Variants in STAG3 observed in about 807,000 individuals in gnomAD.
The protein encoded by STAG3 is STAG3 cohesin complex component.
In STAG3, 101 loss-of-function variants were observed where a neutral mutation model predicts 160.7. The ratio of observed to expected loss-of-function variants is 0.63; its 90% CI spans 0.54 to 0.74. The LOEUF is 0.74. STAG3 is among the 30% of genes least tolerant of loss of function. The pLI is 0.00. For missense variants in STAG3, 1,188 were observed against 1,517.4 expected, an observed-to-expected ratio of 0.78 and a Z score of 3.61; for synonymous variants, 519 against 585.0, an observed-to-expected ratio of 0.89 and a Z score of 1.63.
chr7:100,210,289 G>T (rs551026016), intron 29 of STAG3, among the ~76,000 whole-genome samples: 14 of 152,146 alleles, frequency 9.2e-5, no homozygotes, highest in Non-Finnish European at 1.9e-4. Flanking sequence ...AGTGGAGAAG[G>T]GGGGTAATGG....
In STAG3 at chr7:100,189,605, T is replaced by C. The variant is rs757513105; in HGVS notation, c.867+9T>C. 1.9e-6 allele frequency: 3 copies of C among 1,604,646 alleles called. No homozygotes were observed. The highest frequency in any genetic ancestry group is 2.7e-5 in the African/African-American group (2 of 74,222). ...TGGAGAAACGCAAAGAGGTGAGGAG[T>C]GTTCCCTGCTTCTTCCTTCCCTTTT... On this transcript the variant is annotated intron_variant, in intron 8 of 33. Coordinates refer to ENST00000615138, the MANE Select transcript of STAG3 (RefSeq NM_001282717.2).
rs779342202 is a variant in STAG3 at position 100,197,848 on chromosome 7, G to A, written c.1136G>A (p.Arg379His). 1.4e-5 allele frequency: 22 copies of A among 1,613,848 alleles called. No individual in the cohort carries two copies. The highest frequency in any genetic ancestry group is 1.9e-5 in the Non-Finnish European group (22 of 1,179,972). ...TACGGTAACCGGGACCTGACCACAC[G>A]CCTGGAGCTCTTCACCAGCCGCTTC... ...GLYGNRDLTT[R>H]LELFTSRFKD... The change falls in exon 11 of 34, where the codon CGC (arginine) becomes CAC (histidine). Residue 379 changes from arginine to histidine, a missense_variant. By Grantham distance (29) the Arg-to-His change is conservative. Around this residue, in one of 4 missense-constraint regions of STAG3, gnomAD observed 240 missense variants for 358.1 expected, o/e 0.67. Transcript: ENST00000615138.
At chr7:100,194,981 G>A (rs1800585457) in intron 8 of STAG3, among the ~76,000 whole-genome samples, 3 of 152,078 alleles carry the variant, frequency 2.0e-5, no homozygotes, top group Non-Finnish European at 4.4e-5. Context: ...CCTTTAGTTT[G>A]TTTAAAAAAA....
Position 100,202,579 on chromosome 7 carries a change from C to T in STAG3, c.2689C>T (p.His897Tyr). 6.2e-7 allele frequency: 1 copy of T among 1,613,656 alleles called. No individual in the cohort carries two copies. Among genetic ancestry groups the T allele is most frequent in the African/African-American group, 1.3e-5 (1 of 74,984 alleles). ...EMDAASDVFK[H>Y]YNKFYNDYGD... is the part of the protein sequence containing the mutation. ...GGATGCAGCCTCAGATGTTTTCAAA[C>T]ACTACAACAAGGTACACCAAGGCCC... The change falls in exon 25 of 34, where the codon CAC becomes TAC. Residue 897 changes from histidine (H) to tyrosine (Y), a missense_variant. By Grantham distance (83) the His-to-Tyr change is moderately conservative. Coordinates refer to ENST00000615138, the MANE Select transcript of STAG3 (RefSeq NM_001282717.2).
In STAG3 at chr7:100,202,513, G is replaced by T; in HGVS notation, c.2623G>T (p.Ala875Ser). ...GCTACACCAGCGGCGCCGCCTCCTA[G>T]CCGGGTTCTGCAAGCTGTTGCTTTA... ...ERLHQRRRLL[A>S]GFCKLLLYGV... The change falls in exon 25 of 34, where the codon GCC becomes TCC. Residue 875 changes from alanine to serine, a missense_variant. Coordinates refer to ENST00000615138, the MANE Select transcript of STAG3 (RefSeq NM_001282717.2). 3 of 1,614,176 alleles carry T rather than the reference G, an allele frequency of 1.9e-6. No homozygotes were observed. Among genetic ancestry groups the T allele is most frequent in the Non-Finnish European group, 2.5e-6 (3 of 1,180,030 alleles).
At position 100,202,176 on chromosome 7, in the gene STAG3, T is replaced by C; in HGVS notation, c.2399T>C (p.Phe800Ser). The C allele has an allele frequency of 6.2e-7, 1 of 1,612,588 alleles. No homozygotes were observed. The highest frequency in any genetic ancestry group is 8.5e-7 in the Non-Finnish European group (1 of 1,179,466). Reference protein sequence around the residue: ...DVDTEIQEQAFVLLSDLLLIF... With the variant: ...DVDTEIQEQASVLLSDLLLIF... ...TCCTTTCTTTTCCCCCTACAGGCTT[T>C]TGTCTTATTAAGTGATCTACTTCTC... The change falls in exon 24 of 34, where the codon TTT (phenylalanine) becomes TCT (serine). Residue 800 changes from phenylalanine (F) to serine (S), a missense_variant. This residue lies in a region of STAG3 where 647 missense variants were observed against 717.2 expected (regional missense o/e 0.90). Transcript: ENST00000615138.
At chr7:100,201,603 G>A (rs1326885925) in intron 21 of STAG3, 183 bp from the exon 22 acceptor site, 5 of 641,196 alleles carry the variant, frequency 7.8e-6, no homozygotes, top group East Asian at 5.4e-5. Context: ...ATTAGGGAGC[G>A]GTGACATTTC....
chr7:100,192,141 TC>T lies in STAG3; in HGVS notation c.867+2547del, dbSNP rs1252560373. Among the ~76,000 whole-genome samples, 3 of 152,346 alleles carry T rather than the reference TC, an allele frequency of 2.0e-5. No homozygotes were observed. In the East Asian group the frequency reaches 5.8e-4, roughly 29 times the overall value. ...TGAAGTCTTAAACCTCTCAAAGTCA[TC>T]CGTGAGGGTTAGAATCAACTTAACT... On this transcript the variant is annotated intron_variant, in intron 8 of 33. Coordinates refer to ENST00000615138, the MANE Select transcript of STAG3 (RefSeq NM_001282717.2).
chr7:100,188,497 A>C lies in STAG3; in HGVS notation c.478A>C (p.Ile160Leu). 1 of 1,613,900 alleles carries C rather than the reference A, an allele frequency of 6.2e-7. No homozygotes were observed. Among genetic ancestry groups the C allele is most frequent in the Non-Finnish European group, 8.5e-7 (1 of 1,179,736 alleles). ...EMFKKMSNSE[I>L]IQHLTEQFNE... is the part of the protein sequence containing the mutation. ...GTTCAAGAAGATGTCCAACTCAGAG[A>C]TCATCCAGCACCTAACAGAGCAGTT... Residue 160 changes from isoleucine to leucine, a missense_variant, in exon 6 of 34, where the codon ATC becomes CTC. Physicochemically the swap from Ile to Leu is conservative, Grantham distance 5. Around this residue, in one of 4 missense-constraint regions of STAG3, gnomAD observed 296 missense variants for 404.0 expected, o/e 0.73. Transcript: ENST00000615138.
Position 100,188,934 on chromosome 7 carries a change from C to T in STAG3, c.633C>T (p.Phe211=), listed in dbSNP as rs910285932. 3 of 1,614,174 alleles carry T rather than the reference C, an allele frequency of 1.9e-6. No individual in the cohort carries two copies. Among genetic ancestry groups the T allele is most frequent in the African/African-American group, 1.3e-5 (1 of 75,042 alleles). Residue 211 remains phenylalanine, a synonymous_variant, in exon 7 of 34, where the codon TTC becomes TTT. Transcript: ENST00000615138. ...AGTACAGCCTCCTCTATGATGGCTT[C>T]CCTATGGACGACCTCATCTCCCTGC... ...QCQYSLLYDG[F]PMDDLISLLT... is the part of the protein sequence containing the mutation.
chr7:100,195,150 C>G (rs1800601029), intron 8 of STAG3, among the ~76,000 whole-genome samples, 159 bp from the exon 9 acceptor site: 1 of 152,122 alleles, frequency 6.6e-6, no homozygotes, highest in Non-Finnish European at 1.5e-5. Context: ...ACAGCTTCTT[C>G]CAGAATTAGA....
chr7:100,217,614 C>T (rs186428459), downstream of STAG3, among the ~76,000 whole-genome samples: 12 of 152,066 alleles, frequency 7.9e-5, no homozygotes, highest in East Asian at 3.9e-4. Context: ...AATGCCTGAC[C>T]GCGCTGCTAT....
Position 100,211,109 on chromosome 7 carries a change from G to C in STAG3, c.3337G>C (p.Val1113Leu), listed in dbSNP as rs370756775. ...CACGCCCACCCTCACCTCCACAGCT[G>C]TGAAGAGCAGGCAGCCCCTGTGGGG... The part of the protein sequence containing the change: ...PPTPTLTSTA[V>L]KSRQPLWGLK... Residue 1113 changes from valine (V) to leucine (L), a missense_variant, in exon 30 of 34, where the codon GTG becomes CTG. Physicochemically the swap from Val to Leu is conservative, Grantham distance 32. Transcript: ENST00000615138. 157 of 1,611,760 alleles carry C rather than the reference G, an allele frequency of 9.7e-5. No individual in the cohort carries two copies. Among genetic ancestry groups the C allele is most frequent in the Non-Finnish European group, 1.3e-4 (154 of 1,179,154 alleles).
rs141506148 is a variant in STAG3, at chr7:100,180,759, G to A, written c.116+87G>A. 2.7e-3 allele frequency: 2,278 copies of A among 835,486 alleles called. 17 individuals are homozygous for A. The highest frequency in any genetic ancestry group is 0.019 in the African/African-American group (1,146 of 60,560). 51.8% of individuals were successfully genotyped at this position (835,486 alleles called of 1,614,324 possible). On this transcript the variant is annotated intron_variant, in intron 2 of 33. Coordinates refer to ENST00000615138, the MANE Select transcript of STAG3 (RefSeq NM_001282717.2). ...TCCCACATTGATGATAATATGCGTG[G>A]GACTGTGTGAAAACACCAGAAGTGC... is the stretch of plus-strand genomic sequence containing the variant.
chr7:100,196,241 A>G (rs377036190), intron 9 of STAG3, among the ~76,000 whole-genome samples: 16 of 152,296 alleles, frequency 1.1e-4, no homozygotes, highest in East Asian at 3.9e-4. Flanking sequence ...TTAATGTGGA[A>G]TTAAAACACA....
At chr7:100,210,003 T>C (rs537154015) in intron 29 of STAG3, among the ~76,000 whole-genome samples, 1 of 152,236 alleles carries the variant, frequency 6.6e-6, no homozygotes, top group South Asian at 2.1e-4. Flanking sequence ...GCTGAAGGCT[T>C]GAGATCCCTT....
At chr7:100,189,362 T>C (rs1243706712) in intron 7 of STAG3, 83 bp from the exon 8 acceptor site, 44 of 1,449,742 alleles carry the variant, frequency 3.0e-5, no homozygotes, top group Middle Eastern at 4.0e-4. Flanking sequence ...ATTGCCCTTC[T>C]TTCCTTCTAT....
chr7:100,201,437 G>T, intron 21 of STAG3, 86 bp downstream of exon 21: 1 of 1,175,776 alleles, frequency 8.5e-7, no homozygotes, highest in South Asian at 1.2e-5. Flanking sequence ...GGTGTGTCAA[G>T]TCTCAGTGCG....
chr7:100,185,447 T>G (rs544145350), intron 4 of STAG3, among the ~76,000 whole-genome samples: 11 of 151,828 alleles, frequency 7.2e-5, no homozygotes, highest in African/African-American at 2.7e-4. Context: ...ATACAAAAAT[T>G]AGCCATTAGC....
Sources: allele counts gnomAD v4.1 joint callset (sites outside exome capture counted in the v4.1 genomes callset), GRCh38; gene constraint gnomAD v4.1.1; regional missense constraint gnomAD v4.1.1; transcripts MANE v1.5; gene names NCBI Gene and HGNC (gene_info 2026-07-23, HGNC 2026-07-21).